RPS6KC1: variants seen among roughly 807,000 people sequenced by gnomAD.
RPS6KC1 encodes the protein ribosomal protein S6 kinase C1.
RPS6KC1 carries 54 observed loss-of-function variants against 103.8 expected under a neutral mutation model. That is an observed-to-expected ratio of 0.52 (90% CI 0.42 to 0.65). The LOEUF (loss-of-function observed/expected upper bound fraction) is 0.65, where lower values mean the gene tolerates loss of function less well. RPS6KC1 is among the 30% of genes least tolerant of loss of function. The pLI, the probability that RPS6KC1 is intolerant of heterozygous loss-of-function variation, is 0.00. For synonymous variants in RPS6KC1, 439 were observed against 438.7 expected, an observed-to-expected ratio of 1.00 and a Z score of -0.01; for missense variants, 1,151 against 1,253.8, an observed-to-expected ratio of 0.92 and a Z score of 1.24.
chr1:213,795,193 C>T, the RPS6KC1 span, among the ~76,000 whole-genome samples: 16 of 152,184 alleles, frequency 1.1e-4, no homozygotes, highest in Non-Finnish European at 4.4e-5. Flanking sequence ...ATCCTGTACT[C>T]AGTTGATCAC....
intron 12 of RPS6KC1, among the ~76,000 whole-genome samples, chr1:213,253,481 A>G (rs911906865): frequency 6.6e-6 from 1 of 152,348 alleles, no homozygotes; most frequent in East Asian, 1.9e-4. Flanking sequence ...AAGATGGTTC[A>G]TGTTTTTAAA....
chr1:213,633,614 C>T, the RPS6KC1 span, among the ~76,000 whole-genome samples: 6 of 151,882 alleles, frequency 4.0e-5, no homozygotes, highest in African/African-American at 7.2e-5. Flanking sequence ...GTAAAACCAT[C>T]GATGCTAGGA....
the RPS6KC1 span, among the ~76,000 whole-genome samples, chr1:213,506,727 AAT>A: frequency 6.6e-6 from 1 of 152,218 alleles, no homozygotes; most frequent in Non-Finnish European, 1.5e-5. Flanking sequence ...CTTGACCATC[AAT>A]ATGATGATTC....
the RPS6KC1 span, chr1:213,492,716 T>A: frequency 6.6e-6 from 1 of 152,286 alleles, no homozygotes; most frequent in East Asian, 1.9e-4. Flanking sequence ...TTACTCTCCC[T>A]CTTACGTGTG....
the RPS6KC1 span, among the ~76,000 whole-genome samples, chr1:213,692,396 A>T: frequency 2.6e-5 from 4 of 151,728 alleles, no homozygotes; most frequent in African/African-American, 7.3e-5. Context: ...CTCAAAAAAA[A>T]AAAAAAATAA....
the RPS6KC1 span, among the ~76,000 whole-genome samples, chr1:213,779,201 G>A: frequency 1.8e-3 from 275 of 152,318 alleles, 2 homozygotes; most frequent in Middle Eastern, 3.4e-3. Flanking sequence ...CCAGAGATGA[G>A]GTTAAATCAG....
intron 8 of RPS6KC1, among the ~76,000 whole-genome samples, chr1:213,193,176 C>T (rs1489859207): frequency 6.6e-6 from 1 of 151,978 alleles, no homozygotes; most frequent in Non-Finnish European, 1.5e-5. Context: ...TTTTCTATAG[C>T]CATTGGAAGG....
At chr1:213,431,473 C>G in the RPS6KC1 span, among the ~76,000 whole-genome samples, 1 of 152,144 alleles carries the variant, frequency 6.6e-6, no homozygotes, top group Admixed American at 6.5e-5. Context: ...TATCCACTCT[C>G]CCCTAAAGCT....
the RPS6KC1 span, among the ~76,000 whole-genome samples, chr1:213,375,126 TACACATATATAC>T: frequency 6.6e-6 from 1 of 151,482 alleles, no homozygotes; most frequent in Non-Finnish European, 1.5e-5. Context: ...TATATACACA[TACACATATATAC>T]ACACATATAC....
chr1:213,553,823 A>G, the RPS6KC1 span, among the ~76,000 whole-genome samples: 1 of 152,022 alleles, frequency 6.6e-6, no homozygotes, highest in Non-Finnish European at 1.5e-5. Flanking sequence ...CTGTGTGTAT[A>G]ACTTCTTTTG....
At chr1:213,113,024 T>C (rs1049812002) in intron 4 of RPS6KC1, among the ~76,000 whole-genome samples, 12 of 152,174 alleles carry the variant, frequency 7.9e-5, no homozygotes, top group Admixed American at 7.9e-4. Flanking sequence ...AATAAACATA[T>C]GTGTGCATGT....
chr1:213,233,735 A>G (rs953224726), intron 10 of RPS6KC1, among the ~76,000 whole-genome samples: 2 of 152,146 alleles, frequency 1.3e-5, no homozygotes, highest in Non-Finnish European at 2.9e-5. Context: ...TCTTAAAATC[A>G]TAGACTTACG....
At chr1:213,293,448 A>G in the RPS6KC1 span, among the ~76,000 whole-genome samples, 1 of 152,158 alleles carries the variant, frequency 6.6e-6, no homozygotes, top group South Asian at 2.1e-4. Flanking sequence ...GATGCCATTA[A>G]TTTGGCATTT....
the RPS6KC1 span, among the ~76,000 whole-genome samples, chr1:213,787,182 G>A: frequency 6.6e-6 from 1 of 152,106 alleles, no homozygotes; most frequent in Admixed American, 6.6e-5. Flanking sequence ...AGCATCTTCT[G>A]TGTGTTAGGC....
chr1:213,167,845 C>CTT lies in RPS6KC1; in HGVS notation c.836-4_836-3dup. 30 of 1,290,428 alleles carry CTT rather than the reference C, an allele frequency of 2.3e-5. No homozygotes were observed. Among genetic ancestry groups the CTT allele is most frequent in the Admixed American group, 1.3e-4 (6 of 46,868 alleles). 79.9% of individuals were successfully genotyped at this position (1,290,428 alleles called of 1,614,324 possible). A position where few individuals can be genotyped will look rare whatever the true frequency, so the allele number is the denominator to read the frequency against. ...AAAATTTATTTTTTACATGTCCAGA[C>CTT]TTTTTTTTTTAGGAGAGTCAAGCCC... On this transcript the variant is annotated splice_polypyrimidine_tract_variant and intron_variant, in intron 6 of 14. Coordinates refer to ENST00000366960, the MANE Select transcript of RPS6KC1 (RefSeq NM_012424.6).
At chr1:213,579,688 C>T in the RPS6KC1 span, among the ~76,000 whole-genome samples, 1 of 152,014 alleles carries the variant, frequency 6.6e-6, no homozygotes, top group African/African-American at 2.4e-5. Context: ...CAGCTGGTGA[C>T]TTAGAGTTGG....
the RPS6KC1 span, among the ~76,000 whole-genome samples, chr1:213,543,495 G>A: frequency 6.6e-6 from 1 of 152,204 alleles, no homozygotes; most frequent in East Asian, 1.9e-4. Flanking sequence ...TGAACAGGGA[G>A]GAAGTATTCA....
At chr1:213,097,432 A>C (rs1227933715) in intron 3 of RPS6KC1, among the ~76,000 whole-genome samples, 1 of 152,210 alleles carries the variant, frequency 6.6e-6, no homozygotes, top group Admixed American at 6.5e-5. Context: ...AGACCATGCT[A>C]TTAACAGATG....
the RPS6KC1 span, among the ~76,000 whole-genome samples, chr1:213,830,376 A>G: frequency 6.6e-6 from 1 of 152,106 alleles, no homozygotes; most frequent in Non-Finnish European, 1.5e-5. Context: ...CATCCCCCCA[A>G]TGGATAAACT....
Sources: allele counts gnomAD v4.1 joint callset (sites outside exome capture counted in the v4.1 genomes callset), GRCh38; gene constraint gnomAD v4.1.1; transcripts MANE v1.5; gene names NCBI Gene and HGNC (gene_info 2026-07-23, HGNC 2026-07-21).